Variants in UBE2E2 observed in about 807,000 individuals in gnomAD.
UBE2E2 encodes ubiquitin conjugating enzyme E2 E2, also known as ubiquitin-conjugating enzyme E2 E2.
A neutral mutation model predicts 24.7 loss-of-function variants in UBE2E2; 6 were observed. The ratio of observed to expected loss-of-function variants is 0.24; its 90% CI spans 0.13 to 0.48. The LOEUF (loss-of-function observed/expected upper bound fraction) is 0.48. UBE2E2 is among the 20% of genes least tolerant of loss of function. The pLI, the probability that UBE2E2 is intolerant of heterozygous loss-of-function variation, is 0.99. For synonymous variants in UBE2E2, 104 were observed against 83.6 expected, an observed-to-expected ratio of 1.24 and a Z score of -1.33; for missense variants, 169 against 245.0, an observed-to-expected ratio of 0.69 and a Z score of 2.07.
intron 3 of UBE2E2, among the ~76,000 whole-genome samples, chr3:23,310,310 T>TTG (rs1184512774): frequency 1.3e-5 from 2 of 151,546 alleles, no homozygotes; most frequent in African/African-American, 2.4e-5. Flanking sequence ...CTTTTTTTTT[T>TTG]TTTTACAAAA....
chr3:23,521,042 C>T (rs910140556), intron 4 of UBE2E2, among the ~76,000 whole-genome samples: 1 of 152,074 alleles, frequency 6.6e-6, no homozygotes, highest in Non-Finnish European at 1.5e-5. Context: ...TTGACAAATA[C>T]TTTGTATTGT....
At position 23,445,010 on chromosome 3, in the gene UBE2E2, C is replaced by G. The variant is rs137954811; in HGVS notation, c.228-54598C>G. On this transcript the variant is annotated intron_variant, in intron 3 of 5. Coordinates refer to ENST00000396703, the MANE Select transcript of UBE2E2 (RefSeq NM_152653.4). ...ACCAACTCTTTTACTCCCTCTACCT[C>G]CCCACTCCCATGTAATCTTATGCCA... Among the ~76,000 whole-genome samples the G allele has an allele frequency of 2.0e-4, 31 of 152,310 alleles. No individual in the cohort carries two copies. The East Asian group carries it at 6.0e-3, about 29-fold the overall frequency.
intron 5 of UBE2E2, among the ~76,000 whole-genome samples, chr3:23,566,669 C>G (rs1451498695): frequency 1.3e-5 from 2 of 152,098 alleles, no homozygotes; most frequent in South Asian, 2.1e-4. Flanking sequence ...AGTTGCCACA[C>G]TCTTTTGAAC....
intron 3 of UBE2E2, among the ~76,000 whole-genome samples, chr3:23,275,423 T>C (rs112268612): frequency 2.6e-5 from 4 of 152,166 alleles, no homozygotes; most frequent in African/African-American, 7.2e-5. Flanking sequence ...TTACAGTAGA[T>C]TGACTCAAGA....
chr3:23,340,000 G>A (rs961177914), intron 3 of UBE2E2, among the ~76,000 whole-genome samples: 22 of 152,134 alleles, frequency 1.4e-4, no homozygotes, highest in African/African-American at 5.3e-4. Context: ...TAAATATTTG[G>A]ATAATACTGT....
chr3:23,413,380 G>T (rs1008017443), intron 3 of UBE2E2, among the ~76,000 whole-genome samples: 1 of 151,930 alleles, frequency 6.6e-6, no homozygotes, highest in African/African-American at 2.4e-5. Context: ...TACTTTATAA[G>T]TCTTCAGGGG....
rs1040526317 is a variant in UBE2E2, at chr3:23,591,374, TAC to T, written c.*1545_*1546del. 2.0e-5 allele frequency: 3 copies of T among 152,222 alleles called. No homozygotes were observed. Among genetic ancestry groups the T allele is most frequent in the African/African-American group, 7.2e-5 (3 of 41,462 alleles). The allele number at this position is 152,222 out of a possible 1,614,324, so 9.4% of individuals were successfully genotyped here. On this transcript the variant is annotated 3_prime_UTR_variant, in exon 6 of 6. Coordinates refer to ENST00000396703, the MANE Select transcript of UBE2E2 (RefSeq NM_152653.4). ...CATTTAAAATGCCTGATTCAAAAGATACAGTTTTTGTTGTTTTTAACTAGTTA... is the reference window on the plus strand; with the variant it reads ...CATTTAAAATGCCTGATTCAAAAGATAGTTTTTGTTGTTTTTAACTAGTTA...
At chr3:23,255,314 G>A (rs1697692180) in intron 3 of UBE2E2, among the ~76,000 whole-genome samples, 1 of 150,486 alleles carries the variant, frequency 6.6e-6, no homozygotes, top group South Asian at 2.1e-4. Context: ...GGCTGGTCTC[G>A]AACTCCTCAG....
intron 3 of UBE2E2, among the ~76,000 whole-genome samples, chr3:23,369,714 A>G (rs951758071): frequency 6.6e-6 from 1 of 152,176 alleles, no homozygotes; most frequent in African/African-American, 2.4e-5. Flanking sequence ...TGTTAGAGGT[A>G]AGCATTAAGG....
chr3:23,390,051 T>C (rs1274566674), intron 3 of UBE2E2: 1 of 152,214 alleles, frequency 6.6e-6, no homozygotes, highest in Non-Finnish European at 1.5e-5. Flanking sequence ...GGAAACAAAG[T>C]TGTGGTCCCC....
chr3:23,320,233 C>T (rs1004283148), intron 3 of UBE2E2, among the ~76,000 whole-genome samples: 5 of 152,140 alleles, frequency 3.3e-5, no homozygotes, highest in Non-Finnish European at 7.4e-5. Context: ...TCCCTTCTTC[C>T]CTGTGTCCAT....
At chr3:23,561,714 T>C (rs1284406052) in intron 5 of UBE2E2, among the ~76,000 whole-genome samples, 1 of 152,140 alleles carries the variant, frequency 6.6e-6, no homozygotes, top group African/African-American at 2.4e-5. Context: ...GCATGGAATG[T>C]TCTTCCATGT....
chr3:23,301,526 T>C (rs908896862), intron 3 of UBE2E2, among the ~76,000 whole-genome samples: 1 of 152,236 alleles, frequency 6.6e-6, no homozygotes, highest in Non-Finnish European at 1.5e-5. Flanking sequence ...CGCAGGTCTG[T>C]TGGAGTTTGC....
chr3:23,286,720 A>G (rs1261695794), intron 3 of UBE2E2, among the ~76,000 whole-genome samples: 1 of 152,130 alleles, frequency 6.6e-6, no homozygotes, highest in Non-Finnish European at 1.5e-5. Context: ...GAATGCATTT[A>G]ATCTGTAGAT....
At chr3:23,499,584 T>A (rs1458079749) in intron 3 of UBE2E2, 24 bp from the exon 4 acceptor site, 1 of 1,599,720 alleles carries the variant, frequency 6.3e-7, no homozygotes, top group Non-Finnish European at 8.5e-7. Context: ...TCTAAGCACA[T>A]TTCATTTGTA....
At chr3:23,244,230 G>GC (rs574410535) in intron 3 of UBE2E2, among the ~76,000 whole-genome samples, 138 of 152,004 alleles carry the variant, frequency 9.1e-4, no homozygotes, top group African/African-American at 3.2e-3. Flanking sequence ...AGCTGCATAT[G>GC]CCTTATGTGA....
At chr3:23,470,353 A>G (rs948630250) in intron 3 of UBE2E2, among the ~76,000 whole-genome samples, 8 of 152,198 alleles carry the variant, frequency 5.3e-5, no homozygotes, top group African/African-American at 1.9e-4. Flanking sequence ...ACAGGTCTAT[A>G]TGGTGTGATT....
intron 3 of UBE2E2, among the ~76,000 whole-genome samples, chr3:23,370,064 A>T (rs1386620038): frequency 6.6e-6 from 1 of 152,214 alleles, no homozygotes; most frequent in Non-Finnish European, 1.5e-5. Flanking sequence ...AGCTATATCA[A>T]CGCAGTCACC....
intron 3 of UBE2E2, among the ~76,000 whole-genome samples, chr3:23,221,879 C>A (rs1696658017): frequency 6.6e-6 from 1 of 152,074 alleles, no homozygotes; most frequent in South Asian, 2.1e-4. Context: ...CCAAGTATTT[C>A]TTTTTTAAAA....
Sources: gnomAD v4.1 joint callset for allele counts (sites outside exome capture counted in the v4.1 genomes callset) on GRCh38, gnomAD v4.1.1 for gene constraint, MANE v1.5 for transcripts, NCBI Gene and HGNC (gene_info 2026-07-23, HGNC 2026-07-21) for gene names.